The following CNBD1 variants were observed in gnomAD, a reference collection of about 807,000 sequenced individuals.
The protein encoded by CNBD1 is cyclic nucleotide-binding domain-containing protein 1.
A neutral mutation model predicts 54.4 loss-of-function variants in CNBD1; 71 were observed. The ratio of observed to expected loss-of-function variants is 1.30; its 90% CI spans 1.08 to 1.59. The LOEUF (loss-of-function observed/expected upper bound fraction) is 1.59. CNBD1 is among the 40% of genes most tolerant of loss of function. CNBD1 has a pLI of 0.00. For synonymous variants in CNBD1, 182 were observed against 170.7 expected (o/e 1.07, Z -0.51); for missense variants, 659 against 518.0 (o/e 1.27, Z -2.64).
At chr8:86,966,915 T>A (rs1450338742) in intron 4 of CNBD1, among the ~76,000 whole-genome samples, 2 of 152,230 alleles carry the variant, frequency 1.3e-5, no homozygotes, top group African/African-American at 4.8e-5. Context: ...CACATCTTGC[T>A]GATTGGTCCA....
At chr8:87,389,724 C>T (rs978091172) in intron 2 of CNBD1, among the ~76,000 whole-genome samples, 2 of 152,194 alleles carry the variant, frequency 1.3e-5, no homozygotes, top group Non-Finnish European at 2.9e-5. Flanking sequence ...ATACCAATGA[C>T]TTTCTTCACA....
chr8:87,327,464 G>A (rs543382295), intron 8 of CNBD1, among the ~76,000 whole-genome samples: 1 of 152,202 alleles, frequency 6.6e-6, no homozygotes, highest in Admixed American at 6.5e-5. Context: ...AGATTCCGTG[G>A]GCGTAGGATA....
intron 2 of CNBD1, among the ~76,000 whole-genome samples, chr8:87,415,740 G>T (rs563666553): frequency 3.3e-5 from 5 of 151,090 alleles, no homozygotes; most frequent in African/African-American, 4.9e-5. Flanking sequence ...TTTCATAAAG[G>T]ACTATGTTAT....
At chr8:87,305,869 C>G (rs1809130178) in intron 8 of CNBD1, among the ~76,000 whole-genome samples, 1 of 152,092 alleles carries the variant, frequency 6.6e-6, no homozygotes, top group African/African-American at 2.4e-5. Flanking sequence ...ACCAAGAACC[C>G]AAAAGCAAAT....
At chr8:87,333,360 C>G (rs1297967528) in intron 8 of CNBD1, among the ~76,000 whole-genome samples, 2 of 152,032 alleles carry the variant, frequency 1.3e-5, no homozygotes, top group African/African-American at 4.8e-5. Flanking sequence ...TTTGAATATC[C>G]TTTATTTCTT....
At chr8:87,360,032 T>C (rs1407851515) in intron 10 of CNBD1, among the ~76,000 whole-genome samples, 1 of 152,058 alleles carries the variant, frequency 6.6e-6, no homozygotes, top group Non-Finnish European at 1.5e-5. Flanking sequence ...TGCTTATCTT[T>C]CTCCAGGTAT....
intron 4 of CNBD1, among the ~76,000 whole-genome samples, chr8:87,143,987 C>T (rs1812430185): frequency 6.6e-6 from 1 of 152,124 alleles, no homozygotes; most frequent in Non-Finnish European, 1.5e-5. Flanking sequence ...AAGTTTACTG[C>T]ACTTCAAGAA....
At chr8:87,021,981 G>A (rs1321591776) in intron 4 of CNBD1, among the ~76,000 whole-genome samples, 1 of 152,040 alleles carries the variant, frequency 6.6e-6, no homozygotes, top group Non-Finnish European at 1.5e-5. Context: ...ATTTATATCA[G>A]AAATGACAGT....
At chr8:87,231,198 A>G (rs1814682500) in intron 5 of CNBD1, among the ~76,000 whole-genome samples, 1 of 152,120 alleles carries the variant, frequency 6.6e-6, no homozygotes, top group African/African-American at 2.4e-5. Flanking sequence ...ACATATATTT[A>G]CTTTTATTTT....
chr8:87,252,890 T>C (rs1807939100), intron 6 of CNBD1, among the ~76,000 whole-genome samples: 1 of 152,096 alleles, frequency 6.6e-6, no homozygotes, highest in African/African-American at 2.4e-5. Context: ...TGTGATGCAC[T>C]GTAAAGGAAA....
chr8:87,177,754 T>C (rs1209029931), intron 4 of CNBD1, among the ~76,000 whole-genome samples: 1 of 152,204 alleles, frequency 6.6e-6, no homozygotes, highest in Non-Finnish European at 1.5e-5. Context: ...ATTAAGTTCT[T>C]ATTAATTGAT....
At chr8:87,086,413 T>C (rs2130672485) in intron 4 of CNBD1, among the ~76,000 whole-genome samples, 1 of 152,324 alleles carries the variant, frequency 6.6e-6, no homozygotes, top group Admixed American at 6.5e-5. Context: ...TTTTTCTGAT[T>C]GTTAGAAGGT....
chr8:86,917,195 A>G (rs1784640900), intron 3 of CNBD1, among the ~76,000 whole-genome samples: 1 of 152,146 alleles, frequency 6.6e-6, no homozygotes, highest in South Asian at 2.1e-4. Flanking sequence ...TGCACCTTCT[A>G]GGACAATGAT....
chr8:87,347,404 G>A (rs1056454355), intron 8 of CNBD1, among the ~76,000 whole-genome samples: 1 of 152,242 alleles, frequency 6.6e-6, no homozygotes, highest in East Asian at 1.9e-4. Flanking sequence ...GTGAACAAAA[G>A]ATAAATATCC....
In CNBD1 at chr8:87,274,456, C is replaced by T. The variant is rs369494238; in HGVS notation, c.772-10222C>T. On this transcript the variant is annotated intron_variant, in intron 6 of 10. Transcript: ENST00000518476. ...TGTTGTTTCCTGACTTTTTAATGAT[C>T]GCCATTCTAACTGGTGTGAGATGAT... Among the ~76,000 whole-genome samples, 20 of 147,730 alleles carry T rather than the reference C, an allele frequency of 1.4e-4. No individual in the cohort carries two copies. The East Asian group carries it at 2.4e-3, about 17-fold the overall frequency.
intron 4 of CNBD1, among the ~76,000 whole-genome samples, chr8:87,025,738 C>A (rs1211501605): frequency 6.6e-6 from 1 of 152,182 alleles, no homozygotes; most frequent in Non-Finnish European, 1.5e-5. Flanking sequence ...AGAAGATCTG[C>A]GGCTTCACTC....
chr8:86,910,623 C>T (rs1317224922), intron 3 of CNBD1, among the ~76,000 whole-genome samples: 2 of 152,048 alleles, frequency 1.3e-5, no homozygotes, highest in East Asian at 1.9e-4. Context: ...TAATATCTAC[C>T]CTTTAAGCAA....
chr8:87,209,640 T>A (rs1429869598), intron 5 of CNBD1, among the ~76,000 whole-genome samples: 1 of 152,066 alleles, frequency 6.6e-6, no homozygotes, highest in South Asian at 2.1e-4. Context: ...CTATCAAAAT[T>A]CCAGGACATT....
intron 2 of CNBD1, among the ~76,000 whole-genome samples, chr8:87,427,486 C>T (rs1808070165): frequency 6.6e-6 from 1 of 152,052 alleles, no homozygotes; most frequent in Non-Finnish European, 1.5e-5. Flanking sequence ...GCGCTTTCAT[C>T]TATGTCTTGA....
Sources: allele counts gnomAD v4.1 joint callset (sites outside exome capture counted in the v4.1 genomes callset), GRCh38; gene constraint gnomAD v4.1.1; transcripts MANE v1.5; gene names NCBI Gene and HGNC (gene_info 2026-07-23, HGNC 2026-07-21).